Variants in ADGRF5 observed in about 807,000 individuals in gnomAD.
The protein encoded by ADGRF5 is adhesion G protein-coupled receptor F5.
Under a neutral mutation model 132.3 loss-of-function variants are expected in ADGRF5, and 75 were observed. The observed-to-expected ratio is 0.57, with a 90% CI of 0.47 to 0.69. The LOEUF is 0.69. ADGRF5 is among the 30% of genes least tolerant of loss of function. The probability of loss-of-function intolerance (pLI) is 0.00; values close to 1 mark genes in which losing one functional copy is unlikely to be tolerated. For synonymous variants in ADGRF5, 629 were observed against 597.6 expected, an observed-to-expected ratio of 1.05 and a Z score of -0.77; for missense variants, 1,516 against 1,630.6, an observed-to-expected ratio of 0.93 and a Z score of 1.21.
chr6:46,950,195 A>G (rs536471147), intron 1 of ADGRF5, among the ~76,000 whole-genome samples: 1 of 152,258 alleles, frequency 6.6e-6, no homozygotes, highest in Non-Finnish European at 1.5e-5. Context: ...GTGCTGGAAC[A>G]TTGCCCGGGA....
chr6:46,922,231 A>G (rs1777009538), upstream of ADGRF5, among the ~76,000 whole-genome samples: 2 of 152,244 alleles, frequency 1.3e-5, no homozygotes, highest in South Asian at 4.1e-4. Flanking sequence ...CCACTAAATT[A>G]GATTGTAACT....
intron 8 of ADGRF5, among the ~76,000 whole-genome samples, chr6:46,881,197 G>A (rs1426855808): frequency 6.6e-6 from 1 of 152,060 alleles, no homozygotes; most frequent in East Asian, 1.9e-4. Flanking sequence ...TTTTTACTTA[G>A]TTTTGGATCT....
chr6:46,883,621 C>T lies in ADGRF5; in HGVS notation c.550G>A (p.Glu184Lys). 8.1e-6 allele frequency: 13 copies of T among 1,605,240 alleles called. No homozygotes were observed. The highest frequency in any genetic ancestry group is 1.1e-5 in the Non-Finnish European group (13 of 1,177,078). The change falls in exon 6 of 21, where the codon GAA (glutamate) becomes AAA (lysine). Residue 184 changes from glutamate to lysine, a missense_variant. Coordinates refer to ENST00000283296, the MANE Select transcript of ADGRF5 (RefSeq NM_001098518.2). ...GCGGAGGAAGTGTTCATGAGGTCTT[C>T]TTGAAAGCCTACATTTAGTCTGACT... ...MRVRLNVGFQ[E>K]DLMNTSSALY...
intron 1 of ADGRF5, among the ~76,000 whole-genome samples, chr6:46,949,087 A>AT (rs942001607): frequency 3.8e-4 from 58 of 152,098 alleles, no homozygotes; most frequent in African/African-American, 1.2e-3. Context: ...ATTTCAAAGG[A>AT]TTTTTTTTAA....
In ADGRF5 at chr6:46,860,809, T is replaced by G; in HGVS notation, c.2285A>C (p.Glu762Ala). ...LSISIDKAEHEISSSPGSLGA... is the reference protein window; with the variant it reads ...LSISIDKAEHAISSSPGSLGA... ...CAGACTCCCAGGAGAAGAGCTGATT[T>G]CATGTTCCGCTTTGTCTATGCTAAT... is the stretch of plus-strand genomic sequence containing the variant. Residue 762 changes from glutamate to alanine, a missense_variant, in exon 16 of 21, where the codon GAA (glutamate) becomes GCA (alanine). Glu to Ala is a moderately radical substitution (Grantham distance 107, BLOSUM62 -1). Transcript: ENST00000283296. The G allele has an allele frequency of 1.9e-6, 3 of 1,613,720 alleles. No homozygotes were observed. The highest frequency in any genetic ancestry group is 2.5e-6 in the Non-Finnish European group (3 of 1,179,588).
At chr6:46,882,710 AGT>A (rs1468766932) in intron 6 of ADGRF5, among the ~76,000 whole-genome samples, 1 of 152,158 alleles carries the variant, frequency 6.6e-6, no homozygotes, top group Non-Finnish European at 1.5e-5. Context: ...AATTTAGTGT[AGT>A]GTGTGTGTGA....
intron 1 of ADGRF5, among the ~76,000 whole-genome samples, chr6:46,919,495 T>C (rs902088623): frequency 6.6e-6 from 1 of 152,176 alleles, no homozygotes; most frequent in Non-Finnish European, 1.5e-5. Flanking sequence ...TTAGCCTCAT[T>C]AACGTGAGGA....
At chr6:46,856,571 C>T in intron 19 of ADGRF5, 147 bp downstream of exon 19, 2 of 627,646 alleles carry the variant, frequency 3.2e-6, no homozygotes, top group Non-Finnish European at 5.7e-6. Context: ...CCAAATACAG[C>T]TGTTGAGGGA....
chr6:46,888,381 A>G lies in ADGRF5; in HGVS notation c.282T>C (p.Asn94=). 2 of 1,612,158 alleles carry G rather than the reference A, an allele frequency of 1.2e-6. No homozygotes were observed. The highest frequency in any genetic ancestry group is 1.7e-6 in the Non-Finnish European group (2 of 1,178,236). The change falls in exon 4 of 21, where the codon AAT becomes AAC. Residue 94 remains asparagine, a synonymous_variant. Transcript: ENST00000283296. ...LNSLSFPIHG[N]NTDQITDILS... is the part of the protein sequence containing the mutation. ...AAATGTCGGTAATTTGGTCAGTGTTATTCCCATGAATTGGAAAACTGAGGC... is the reference window on the plus strand; with the variant it reads ...AAATGTCGGTAATTTGGTCAGTGTTGTTCCCATGAATTGGAAAACTGAGGC...
chr6:46,909,559 C>T (rs565711993), intron 1 of ADGRF5, among the ~76,000 whole-genome samples: 9 of 152,220 alleles, frequency 5.9e-5, no homozygotes, highest in Non-Finnish European at 1.2e-4. Flanking sequence ...CTCAGCAACA[C>T]TGCATCTGGA....
intron 1 of ADGRF5, among the ~76,000 whole-genome samples, chr6:46,929,167 A>G (rs1454059494): frequency 2.0e-5 from 3 of 152,148 alleles, no homozygotes; most frequent in Non-Finnish European, 4.4e-5. Flanking sequence ...CAGCCATAAA[A>G]AAGGATGAGT....
chr6:46,909,935 G>T (rs1474270161), intron 1 of ADGRF5, among the ~76,000 whole-genome samples: 1 of 151,944 alleles, frequency 6.6e-6, no homozygotes, highest in African/African-American at 2.4e-5. Context: ...ATGAGCCCTG[G>T]AGTTCGAGGC....
chr6:46,895,046 A>G (rs577814628), intron 3 of ADGRF5, among the ~76,000 whole-genome samples: 1 of 152,020 alleles, frequency 6.6e-6, no homozygotes, highest in Non-Finnish European at 1.5e-5. Context: ...GTGTGGTGGC[A>G]TGCACCTGTA....
At chr6:46,917,289 A>T (rs1776498210) in intron 1 of ADGRF5, among the ~76,000 whole-genome samples, 1 of 152,112 alleles carries the variant, frequency 6.6e-6, no homozygotes, top group Non-Finnish European at 1.5e-5. Context: ...TTCCCCAGAG[A>T]TATATCTTTC....
At chr6:46,920,559 C>A (rs886359816) in intron 1 of ADGRF5, among the ~76,000 whole-genome samples, 2 of 146,164 alleles carry the variant, frequency 1.4e-5, no homozygotes, top group African/African-American at 5.0e-5. Context: ...ATTGGGGGTG[C>A]AATTGAAAAC....
chr6:46,881,651 G>A, intron 7 of ADGRF5, 54 bp from the exon 8 acceptor site: 1 of 1,509,482 alleles, frequency 6.6e-7, no homozygotes, highest in Non-Finnish European at 9.1e-7. Flanking sequence ...GAAGAGTCTA[G>A]ATATTTATGG....
chr6:46,906,295 A>G (rs766580001), intron 2 of ADGRF5, among the ~76,000 whole-genome samples: 2 of 152,210 alleles, frequency 1.3e-5, no homozygotes, highest in African/African-American at 4.8e-5. Flanking sequence ...ATTCTGCTCA[A>G]TCCTTCAAAT....
At chr6:46,930,273 C>T (rs992147656) in intron 1 of ADGRF5, among the ~76,000 whole-genome samples, 13 of 152,158 alleles carry the variant, frequency 8.5e-5, no homozygotes, top group Admixed American at 8.5e-4. Flanking sequence ...ACTTCTGTAG[C>T]AGGATTTGGG....
intron 1 of ADGRF5, among the ~76,000 whole-genome samples, chr6:46,945,448 G>A (rs1778268381): frequency 6.6e-6 from 1 of 152,152 alleles, no homozygotes. Flanking sequence ...ATGAAATACT[G>A]ATTAAAAACC....
Sources: allele counts gnomAD v4.1 joint callset (sites outside exome capture counted in the v4.1 genomes callset), GRCh38; gene constraint gnomAD v4.1.1; transcripts MANE v1.5; gene names NCBI Gene and HGNC (gene_info 2026-07-23, HGNC 2026-07-21).